The following ARL10 variants were observed in gnomAD, a reference collection of about 807,000 sequenced individuals.
The protein encoded by ARL10 is ARF like GTPase 10.
In ARL10, 23 loss-of-function variants were observed where a neutral mutation model predicts 26.1. The ratio of observed to expected loss-of-function variants is 0.88; its 90% confidence interval spans 0.63 to 1.25. The LOEUF is 1.25. Among genes scored for constraint, ARL10 ranks in the 50% most tolerant of loss-of-function variants. ARL10 has a pLI of 0.00. For synonymous variants in ARL10, 138 were observed against 149.1 expected, an observed-to-expected ratio of 0.93 and a Z score of 0.54; for missense variants, 300 against 323.6, an observed-to-expected ratio of 0.93 and a Z score of 0.56.
At chr5:176,410,348 T>C in the ARL10 span, 8 of 1,576,672 alleles carry the variant, frequency 5.1e-6, no homozygotes, top group African/African-American at 4.0e-5. Context: ...GTTTAGCTTA[T>C]AGCAAGCAGG....
Position 176,372,081 on chromosome 5 carries a change from G to A in ARL10, c.*186G>A, listed in dbSNP as rs573777458. ...CAGAAGCCTTCCTGGTGAGGTGGCC[G>A]TGAAGCCGAAGCAGGGAGGTGGGTG... On this transcript the variant is annotated 3_prime_UTR_variant, in exon 4 of 4. Coordinates refer to ENST00000310389, the MANE Select transcript of ARL10 (RefSeq NM_173664.6). The A allele has an allele frequency of 5.6e-4, 804 of 1,424,802 alleles. 1 individual carries two copies. Among genetic ancestry groups the A allele is most frequent in the Admixed American group, 8.1e-4 (28 of 34,384 alleles). 88.3% of individuals were successfully genotyped at this position (1,424,802 alleles called of 1,614,324 possible).
At chr5:176,388,184 G>C in intron 1 of ARL10, 1 of 1,363,324 alleles carries the variant, frequency 7.3e-7, no homozygotes, top group Non-Finnish European at 1.0e-6. Context: ...AGGTCAGTAT[G>C]GCGGGGGAAG....
intron 1 of ARL10, chr5:176,396,535 TGA>T: frequency 6.2e-7 from 1 of 1,612,674 alleles, no homozygotes; most frequent in Non-Finnish European, 8.5e-7. Context: ...CAGCGATCCT[TGA>T]GGGAAAGGTT....
exon 2 of ARL10, chr5:176,388,324 A>T: frequency 6.2e-7 from 1 of 1,614,180 alleles, no homozygotes. Context: ...GCGTGGTCCC[A>T]GGCATGTCGG....
At position 176,381,451 on chromosome 5, in the gene ARL10, T is replaced by G. The variant is rs1331551053; in HGVS notation, c.*9556T>G. 1 of 152,188 alleles carries G rather than the reference T, an allele frequency of 6.6e-6. No individual in the cohort carries two copies. Among genetic ancestry groups the G allele is most frequent in the Non-Finnish European group, 1.5e-5 (1 of 68,040 alleles). 9.4% of individuals were successfully genotyped at this position (152,188 alleles called of 1,614,324 possible). On this transcript the variant is annotated 3_prime_UTR_variant, in exon 4 of 4. Coordinates refer to ENST00000310389, the MANE Select transcript of ARL10 (RefSeq NM_173664.6). Reference sequence around the variant, plus strand: ...GAAAAATTTTATAGACAAGTTAACTTTAACAGAGCAGAAAAGGGTTCATGA... The same window carrying G: ...GAAAAATTTTATAGACAAGTTAACTGTAACAGAGCAGAAAAGGGTTCATGA...
At chr5:176,394,356 C>T (rs187327884) in intron 1 of ARL10, among the ~76,000 whole-genome samples, 12 of 152,334 alleles carry the variant, frequency 7.9e-5, no homozygotes, top group African/African-American at 2.6e-4. Context: ...TTTCACGAGA[C>T]CCCCTGGTAA....
downstream of ARL10, among the ~76,000 whole-genome samples, chr5:176,403,409 C>T (rs963741271): frequency 2.0e-5 from 3 of 151,572 alleles, no homozygotes; most frequent in Admixed American, 1.3e-4. Flanking sequence ...CTTTAATCTT[C>T]GCAACCCTAC....
In ARL10 at chr5:176,401,080, T is replaced by C. The variant is rs559032455; in HGVS notation, c.134-661T>C. Among the ~76,000 whole-genome samples the C allele has an allele frequency of 2.6e-5, 4 of 152,290 alleles. No homozygotes were observed. In the South Asian group the frequency reaches 8.3e-4, roughly 32 times the overall value. Reference sequence around the variant, plus strand: ...CAACACTGCATTGCAATTCAGAGACTCTCTCCCAACATCCCAGTGGGCCCT... The same window carrying C: ...CAACACTGCATTGCAATTCAGAGACCCTCTCCCAACATCCCAGTGGGCCCT... On this transcript the variant is annotated intron_variant, in intron 1 of 1. Transcript: ENST00000514533.
downstream of ARL10, chr5:176,406,468 G>A: frequency 8.4e-7 from 1 of 1,184,592 alleles, no homozygotes; most frequent in East Asian, 6.6e-5. Context: ...CTTTGGGATT[G>A]ATCAGCTAAA....
rs1755500117 is a variant in ARL10, at chr5:176,379,456, G to GT, written c.*7562dup. ...AGTGCTGGGTCAACTATGTTCTTGA[G>GT]TAAGAACTCCTGATGCCTGATTGTT... On this transcript the variant is annotated 3_prime_UTR_variant, in exon 4 of 4. Coordinates refer to ENST00000310389, the MANE Select transcript of ARL10 (RefSeq NM_173664.6). 1 of 152,132 alleles carries GT rather than the reference G, an allele frequency of 6.6e-6. No individual in the cohort carries two copies. Among genetic ancestry groups the GT allele is most frequent in the East Asian group, 1.9e-4 (1 of 5,194 alleles). The allele number at this position is 152,132 out of a possible 1,614,324, so 9.4% of individuals were successfully genotyped here.
At chr5:176,385,185 C>A, downstream of ARL10, 1 of 1,251,814 alleles carries the variant, frequency 8.0e-7, no homozygotes, top group Non-Finnish European at 1.2e-6. Context: ...GTCCAGGGCG[C>A]CTTCCCAGCC....
downstream of ARL10, chr5:176,385,256 G>A (rs35916027): frequency 5.4e-3 from 8,760 of 1,611,344 alleles, 29 homozygotes; most frequent in Non-Finnish European, 6.5e-3. Context: ...ACCATGTAGC[G>A]TACATAGTCA....
chr5:176,395,724 G>A (rs1343716676), intron 1 of ARL10, among the ~76,000 whole-genome samples: 1 of 152,224 alleles, frequency 6.6e-6, no homozygotes, highest in Admixed American at 6.5e-5. Flanking sequence ...CTGGGCAGGG[G>A]CTGATGGCCA....
the ARL10 span, among the ~76,000 whole-genome samples, chr5:176,409,293 G>GAA: frequency 7.8e-4 from 80 of 103,040 alleles, no homozygotes; most frequent in Middle Eastern, 4.8e-3. Context: ...TTTTAAAATT[G>GAA]AAAAAAAAAA....
intron 2 of ARL10, among the ~76,000 whole-genome samples, chr5:176,367,118 C>T (rs2113542874): frequency 6.6e-6 from 1 of 151,534 alleles, no homozygotes; most frequent in Admixed American, 6.6e-5. Flanking sequence ...AGCGATTCTC[C>T]AGCTTCAGCC....
chr5:176,397,880 C>A, intron 1 of ARL10: 12 of 1,538,520 alleles, frequency 7.8e-6, no homozygotes, highest in Non-Finnish European at 9.9e-6. Flanking sequence ...CCCCACACTC[C>A]ACCCCACACA....
chr5:176,382,899 G>T (rs1413343195), downstream of ARL10, among the ~76,000 whole-genome samples: 1 of 152,226 alleles, frequency 6.6e-6, no homozygotes, highest in Admixed American at 6.5e-5. Flanking sequence ...TCCTGTGGAG[G>T]ACATAAGATG....
At chr5:176,396,310 G>C (rs916706534) in intron 1 of ARL10, among the ~76,000 whole-genome samples, 10 of 152,180 alleles carry the variant, frequency 6.6e-5, no homozygotes, top group Non-Finnish European at 1.2e-4. Context: ...CTTCACTGGA[G>C]GGAGGGAGGT....
chr5:176,392,650 A>G, downstream of ARL10: 2 of 1,133,624 alleles, frequency 1.8e-6, no homozygotes, highest in Non-Finnish European at 2.5e-6. The surrounding 1 kb of genome is among the most constrained non-coding windows in gnomAD (Gnocchi z 5.2). Flanking sequence ...CAGCGCCTGG[A>G]GATGGGGAGG....
Sources: allele counts gnomAD v4.1 joint callset (sites outside exome capture counted in the v4.1 genomes callset), GRCh38; gene constraint gnomAD v4.1.1; non-coding constraint Gnocchi (gnomAD v3.1); transcripts MANE v1.5; gene names NCBI Gene and HGNC (gene_info 2026-07-23, HGNC 2026-07-21).